Variants in GRID2 observed in about 807,000 individuals in gnomAD.
The protein encoded by GRID2 is glutamate receptor ionotropic, delta-2.
GRID2 carries 33 observed loss-of-function variants against 114.8 expected under a neutral mutation model. The ratio of observed to expected loss-of-function variants is 0.29; its 90% CI spans 0.22 to 0.38. The LOEUF (loss-of-function observed/expected upper bound fraction) is 0.38, where lower values mean the gene tolerates loss of function less well. GRID2 is among the 10% of genes least tolerant of loss of function. GRID2 has a pLI of 1.00. For synonymous variants in GRID2, 505 were observed against 449.9 expected (o/e 1.12, Z -1.55); for missense variants, 1,184 against 1,257.7 (o/e 0.94, Z 0.89).
intron 13 of GRID2, among the ~76,000 whole-genome samples, chr4:93,565,576 CAT>C (rs1292691605): frequency 6.6e-6 from 1 of 152,088 alleles, no homozygotes; most frequent in Non-Finnish European, 1.5e-5. Context: ...TAAATGCAAA[CAT>C]AATTTAAGAA....
At chr4:92,458,089 A>G (rs1289350309) in intron 1 of GRID2, among the ~76,000 whole-genome samples, 3 of 152,208 alleles carry the variant, frequency 2.0e-5, no homozygotes, top group Admixed American at 1.3e-4. Flanking sequence ...CGTTTGAACT[A>G]TGCTGAAAAG....
chr4:92,511,459 T>C lies in GRID2; in HGVS notation c.89-78672T>C, dbSNP rs370735953. ...GACAAACATCCAAATCATATTATCATCCAATCTGGTACACTTCTGAAAATG... is the reference window on the plus strand; with the variant it reads ...GACAAACATCCAAATCATATTATCACCCAATCTGGTACACTTCTGAAAATG... On this transcript the variant is annotated intron_variant, in intron 1 of 15. Coordinates refer to ENST00000282020, the MANE Select transcript of GRID2 (RefSeq NM_001510.4). 1.6e-4 allele frequency among the ~76,000 whole-genome samples: 24 copies of C among 151,894 alleles called. No individual in the cohort carries two copies. The South Asian group carries it at 5.0e-3, about 32-fold the overall frequency.
At chr4:93,378,768 G>C (rs144700323) in intron 8 of GRID2, among the ~76,000 whole-genome samples, 3 of 151,820 alleles carry the variant, frequency 2.0e-5, no homozygotes, top group Non-Finnish European at 4.4e-5. Flanking sequence ...TTATTATTTG[G>C]CTTAAAACCT....
At chr4:92,978,188 C>T (rs191209192) in intron 2 of GRID2, among the ~76,000 whole-genome samples, 13 of 152,218 alleles carry the variant, frequency 8.5e-5, no homozygotes, top group East Asian at 1.9e-4. Context: ...GAAACCAAGA[C>T]GCACTGAATG....
At chr4:92,921,857 G>A (rs191590939) in intron 2 of GRID2, among the ~76,000 whole-genome samples, 92 of 152,258 alleles carry the variant, frequency 6.0e-4, no homozygotes, top group African/African-American at 1.9e-3. Context: ...TGGGAGAACC[G>A]CTACTCTCTT....
intron 2 of GRID2, among the ~76,000 whole-genome samples, chr4:92,737,868 C>G (rs1405752165): frequency 6.6e-6 from 1 of 152,042 alleles, no homozygotes; most frequent in African/African-American, 2.4e-5. Flanking sequence ...CTATTCAGAG[C>G]TGGAATGTAG....
intron 5 of GRID2, among the ~76,000 whole-genome samples, chr4:93,212,241 G>A (rs1272824230): frequency 1.3e-5 from 2 of 152,150 alleles, no homozygotes; most frequent in Non-Finnish European, 2.9e-5. Context: ...TGCAGACATT[G>A]ATTTAATCTT....
intron 2 of GRID2, among the ~76,000 whole-genome samples, chr4:92,610,992 G>T (rs1447916112): frequency 6.6e-6 from 1 of 150,958 alleles, no homozygotes; most frequent in Non-Finnish European, 1.5e-5. Context: ...TAGGAAAAGT[G>T]CTGTAATGAA....
intron 14 of GRID2, among the ~76,000 whole-genome samples, chr4:93,627,523 C>G (rs777019992): frequency 6.6e-6 from 1 of 152,162 alleles, no homozygotes; most frequent in Non-Finnish European, 1.5e-5. Context: ...TTCTGTGTAG[C>G]AAACAACTCT....
In GRID2 at chr4:92,600,053, T is replaced by A. The variant is rs796170043; in HGVS notation, c.244+9767T>A. ...GTGTGTGTGTGTGTGTGTATATATA[T>A]ATATATATATATATATATATATATA... On this transcript the variant is annotated intron_variant, in intron 2 of 15. Coordinates refer to ENST00000282020, the MANE Select transcript of GRID2 (RefSeq NM_001510.4). Among the ~76,000 whole-genome samples, 822 of 102,028 alleles carry A rather than the reference T, an allele frequency of 8.1e-3. 6 individuals are homozygous for A. The highest frequency in any genetic ancestry group is 0.014 in the Middle Eastern group (3 of 216). 66.9% of individuals were successfully genotyped at this position (102,028 alleles called of 152,430 possible).
In GRID2 at chr4:92,485,322, A is replaced by G. The variant is rs1182419341; in HGVS notation, c.89-104809A>G. Among the ~76,000 whole-genome samples the G allele has an allele frequency of 7.4e-5, 7 of 94,318 alleles. 1 individual carries two copies. The highest frequency in any genetic ancestry group is 1.4e-4 in the Non-Finnish European group (6 of 42,424). The allele number at this position is 94,318 out of a possible 152,430, so 61.9% of individuals were successfully genotyped here. On this transcript the variant is annotated intron_variant, in intron 1 of 15. Transcript: ENST00000282020. ...TGTGCATATATATATATATATATATATATATATATATATATATATATATAT... is the reference window on the plus strand; with the variant it reads ...TGTGCATATATATATATATATATATGTATATATATATATATATATATATAT...
intron 2 of GRID2, among the ~76,000 whole-genome samples, chr4:92,887,819 G>C (rs1252700969): frequency 6.6e-6 from 1 of 152,100 alleles, no homozygotes; most frequent in East Asian, 1.9e-4. Flanking sequence ...ATCTGATTCT[G>C]TCCTTAAGTT....
intron 7 of GRID2, among the ~76,000 whole-genome samples, chr4:93,233,923 T>C (rs1746452951): frequency 6.6e-6 from 1 of 152,130 alleles, no homozygotes; most frequent in Admixed American, 6.6e-5. Flanking sequence ...AGGTTAATGG[T>C]TGGGACAAAA....
At chr4:92,643,448 A>G (rs995717562) in intron 2 of GRID2, among the ~76,000 whole-genome samples, 3 of 151,826 alleles carry the variant, frequency 2.0e-5, no homozygotes, top group Admixed American at 6.6e-5. Flanking sequence ...AGACTCTGCC[A>G]AAAGGCTGCT....
chr4:93,140,840 A>T (rs1336602502), intron 4 of GRID2, among the ~76,000 whole-genome samples: 1 of 152,218 alleles, frequency 6.6e-6, no homozygotes, highest in Admixed American at 6.5e-5. Flanking sequence ...TAATGGCTAG[A>T]CATGTTAGAA....
At chr4:93,673,836 G>T (rs1380200176) in intron 14 of GRID2, among the ~76,000 whole-genome samples, 1 of 152,182 alleles carries the variant, frequency 6.6e-6, no homozygotes, top group African/African-American at 2.4e-5. Context: ...CAAACTTGAT[G>T]TGTGATCATA....
At chr4:93,128,289 T>C (rs1396050553) in intron 4 of GRID2, among the ~76,000 whole-genome samples, 1 of 152,050 alleles carries the variant, frequency 6.6e-6, no homozygotes, top group Non-Finnish European at 1.5e-5. Flanking sequence ...CCCTTAAGCA[T>C]AGAGAAGAAC....
intron 1 of GRID2, among the ~76,000 whole-genome samples, chr4:92,351,124 T>C (rs1476597255): frequency 6.6e-6 from 1 of 151,928 alleles, no homozygotes; most frequent in African/African-American, 2.4e-5. Flanking sequence ...ATGATTAATG[T>C]TGCTATTAAT....
chr4:92,359,948 A>G (rs1354940004), intron 1 of GRID2, among the ~76,000 whole-genome samples: 2 of 152,122 alleles, frequency 1.3e-5, no homozygotes, highest in South Asian at 2.1e-4. Context: ...GTGATTCTAA[A>G]TCCCTTACTG....
Sources: gnomAD v4.1 joint callset for allele counts (sites outside exome capture counted in the v4.1 genomes callset) on GRCh38, gnomAD v4.1.1 for gene constraint, MANE v1.5 for transcripts, NCBI Gene and HGNC (gene_info 2026-07-23, HGNC 2026-07-21) for gene names.